Variants in RNF111 observed in about 807,000 individuals in gnomAD.
RNF111 encodes the protein ring finger protein 111.
RNF111 carries 17 observed loss-of-function variants against 95.1 expected under a neutral mutation model. That is an observed-to-expected ratio of 0.18 (90% CI 0.12 to 0.27). The LOEUF is 0.27. Among genes scored for constraint, RNF111 ranks in the 10% least tolerant of loss-of-function variants. RNF111 has a pLI of 1.00. For synonymous variants in RNF111, 440 were observed against 414.8 expected (o/e 1.06, Z -0.74); for missense variants, 1,189 against 1,210.4 (o/e 0.98, Z 0.26).
intron 1 of RNF111, among the ~76,000 whole-genome samples, chr15:59,003,012 A>G (rs2141459725): frequency 1.3e-5 from 2 of 152,262 alleles, no homozygotes; most frequent in Middle Eastern, 3.4e-3. Flanking sequence ...ATAAGATCTC[A>G]TTATGTTGCC....
chr15:59,081,473 G>GT (rs1566940292), intron 8 of RNF111, among the ~76,000 whole-genome samples, 189 bp downstream of exon 8: 1 of 150,794 alleles, frequency 6.6e-6, no homozygotes, highest in African/African-American at 2.4e-5. Context: ...GTGAAATACT[G>GT]TTTTTTGTTG....
At chr15:59,085,176 A>G (rs1250923066) in intron 9 of RNF111, among the ~76,000 whole-genome samples, 2 of 152,214 alleles carry the variant, frequency 1.3e-5, no homozygotes, top group Non-Finnish European at 2.9e-5. Flanking sequence ...CTTAGCATAT[A>G]ACAGTTTTAC....
At chr15:59,026,231 A>G (rs1447405095) in intron 1 of RNF111, among the ~76,000 whole-genome samples, 1 of 152,146 alleles carries the variant, frequency 6.6e-6, no homozygotes, top group Admixed American at 6.5e-5. Context: ...TTTTGCTCAC[A>G]TAAACTTGTT....
chr15:59,060,421 T>C (rs2042384450), intron 5 of RNF111, among the ~76,000 whole-genome samples: 1 of 151,904 alleles, frequency 6.6e-6, no homozygotes, highest in African/African-American at 2.4e-5. Flanking sequence ...CTAGGCAACG[T>C]GGTGAAACCT....
chr15:59,051,457 C>T (rs1396729449), intron 2 of RNF111, among the ~76,000 whole-genome samples: 2 of 96,360 alleles, frequency 2.1e-5, no homozygotes, highest in Non-Finnish European at 4.3e-5. Flanking sequence ...GACTCTGTCT[C>T]AAAAAAAAAA....
intron 1 of RNF111, among the ~76,000 whole-genome samples, chr15:59,000,039 T>C (rs1340671121): frequency 6.6e-6 from 1 of 152,048 alleles, no homozygotes; most frequent in Non-Finnish European, 1.5e-5. Context: ...CCTCCAACAA[T>C]GGGAATTACA....
chr15:59,079,981 T>TA (rs2078689089), intron 7 of RNF111, among the ~76,000 whole-genome samples: 1 of 152,100 alleles, frequency 6.6e-6, no homozygotes. Flanking sequence ...AGTAATACAA[T>TA]AGGCTAAGCA....
At chr15:59,076,685 C>A (rs1409730897) in intron 7 of RNF111, among the ~76,000 whole-genome samples, 1 of 152,166 alleles carries the variant, frequency 6.6e-6, no homozygotes, top group Non-Finnish European at 1.5e-5. Flanking sequence ...CATAGTGAGA[C>A]CCCGTTTCTA....
chr15:59,004,088 C>G, intron 1 of RNF111: 1 of 1,000,176 alleles, frequency 1.0e-6, no homozygotes, highest in Non-Finnish European at 1.3e-6. Flanking sequence ...AACCCTCTTC[C>G]CAGACTCTTG....
At position 59,052,498 on chromosome 15, in the gene RNF111, C is replaced by G. The variant is rs977956569; in HGVS notation, c.1007+67C>G. ...ATAAATATTAAACATATTTGTGCTG[C>G]AGATATTTGCATTCTTTTTATTTAT... On this transcript the variant is annotated intron_variant, in intron 3 of 13. Transcript: ENST00000348370. 3.9e-5 allele frequency: 44 copies of G among 1,135,588 alleles called. No individual in the cohort carries two copies. The South Asian group carries it at 8.1e-4, about 21-fold the overall frequency. 70.3% of individuals were successfully genotyped at this position (1,135,588 alleles called of 1,614,324 possible).
intron 7 of RNF111, among the ~76,000 whole-genome samples, chr15:59,078,807 T>C (rs1332193460): frequency 6.7e-6 from 1 of 148,502 alleles, no homozygotes; most frequent in African/African-American, 2.5e-5. Context: ...TGCAGTGAGC[T>C]GAGATCACAC....
At chr15:59,057,931 T>A (rs2042264637) in intron 4 of RNF111, among the ~76,000 whole-genome samples, 1 of 152,200 alleles carries the variant, frequency 6.6e-6, no homozygotes, top group East Asian at 1.9e-4. Flanking sequence ...TCAGTATTGC[T>A]ATCCAGGCAG....
chr15:59,091,704 C>T (rs2079058343), intron 12 of RNF111, among the ~76,000 whole-genome samples: 1 of 152,184 alleles, frequency 6.6e-6, no homozygotes, highest in African/African-American at 2.4e-5. Context: ...TTAAACCATG[C>T]TCAATACCAA....
chr15:59,028,380 GT>G (rs546399306), intron 1 of RNF111, among the ~76,000 whole-genome samples: 145 of 148,448 alleles, frequency 9.8e-4, no homozygotes, highest in Admixed American at 2.5e-3. Context: ...ACCATATAGT[GT>G]TTTTTTTTTC....
At chr15:58,988,528 T>G (rs185774302) in intron 1 of RNF111, 9 of 152,444 alleles carry the variant, frequency 5.9e-5, no homozygotes, top group Non-Finnish European at 1.5e-5. Context: ...CGCGTCAGAT[T>G]TTGTATGGAG....
intron 5 of RNF111, among the ~76,000 whole-genome samples, chr15:59,060,442 G>A (rs1350016907): frequency 5.9e-5 from 9 of 151,848 alleles, no homozygotes; most frequent in African/African-American, 1.7e-4. Flanking sequence ...TGTCTCTTTT[G>A]AAGAAAAAAA....
chr15:59,078,552 T>TAAA (rs56959347), intron 7 of RNF111, among the ~76,000 whole-genome samples: 9 of 94,456 alleles, frequency 9.5e-5, no homozygotes, highest in Non-Finnish European at 1.7e-4. Context: ...AACCTGTCTC[T>TAAA]AAAAAAAAAA....
chr15:59,051,691 C>G (rs2041991002), intron 2 of RNF111, among the ~76,000 whole-genome samples: 1 of 151,248 alleles, frequency 6.6e-6, no homozygotes, highest in South Asian at 2.1e-4. Flanking sequence ...ATCACTTGAA[C>G]CCAGGAGGCA....
At chr15:59,039,914 A>G (rs542679657) in intron 2 of RNF111, among the ~76,000 whole-genome samples, 1 of 151,838 alleles carries the variant, frequency 6.6e-6, no homozygotes. Flanking sequence ...ACGGGGTTTC[A>G]CCGTGTTGGC....
Sources: allele counts gnomAD v4.1 joint callset (sites outside exome capture counted in the v4.1 genomes callset), GRCh38; gene constraint gnomAD v4.1.1; transcripts MANE v1.5; gene names NCBI Gene and HGNC (gene_info 2026-07-23, HGNC 2026-07-21).